FAM107B: variants seen among roughly 807,000 people sequenced by gnomAD.
The protein encoded by FAM107B is protein FAM107B.
Under a neutral mutation model 31.5 loss-of-function variants are expected in FAM107B, and 21 were observed. The observed-to-expected ratio is 0.67, with a 90% CI of 0.47 to 0.96. FAM107B has a LOEUF of 0.96. Ranked by LOEUF, FAM107B falls within the 40% of genes least tolerant of loss-of-function variation. The pLI is 0.00. For missense variants in FAM107B, 452 were observed against 377.1 expected (o/e 1.20, Z -1.64); for synonymous variants, 157 against 141.5 (o/e 1.11, Z -0.78).
chr10:14,613,514 CT>C (rs1852776525), intron 2 of FAM107B, among the ~76,000 whole-genome samples: 1 of 152,212 alleles, frequency 6.6e-6, no homozygotes, highest in East Asian at 1.9e-4. Flanking sequence ...AGTTTTTTCA[CT>C]GCACAAACTT....
At chr10:14,688,181 C>T (rs970640142) in intron 1 of FAM107B, among the ~76,000 whole-genome samples, 1 of 152,330 alleles carries the variant, frequency 6.6e-6, no homozygotes, top group Non-Finnish European at 1.5e-5. Context: ...ATTCCAAGTT[C>T]TTCAGCTTTT....
chr10:14,604,367 C>T, intron 2 of FAM107B: 1 of 505,540 alleles, frequency 2.0e-6, no homozygotes, highest in Non-Finnish European at 2.5e-6. Context: ...GGCGGCGGCC[C>T]GGCCCGCAAG....
rs141499937 is a variant in FAM107B, at chr10:14,716,865, T to G, written c.412-49174A>C. Among the ~76,000 whole-genome samples, 525 of 152,212 alleles carry G rather than the reference T, an allele frequency of 3.4e-3. 12 individuals are homozygous for G. The East Asian group carries it at 0.046, about 13-fold the overall frequency. ...AGAACTTTGGGAGGACGAGACAGGTTGATCACCTGAGGTCAGGAGTTTGAG... is the reference window on the plus strand; with the variant it reads ...AGAACTTTGGGAGGACGAGACAGGTGGATCACCTGAGGTCAGGAGTTTGAG... On this transcript the variant is annotated intron_variant, in intron 1 of 4. Coordinates refer to ENST00000181796, the MANE Select transcript of FAM107B (RefSeq NM_031453.4).
intron 1 of FAM107B, among the ~76,000 whole-genome samples, chr10:14,741,769 G>A (rs1387454328): frequency 2.6e-4 from 36 of 135,904 alleles, no homozygotes; most frequent in African/African-American, 9.9e-4. Flanking sequence ...CGCCCAGGCT[G>A]GAGTGCAGTG....
At chr10:14,650,228 G>C (rs1384334865) in intron 2 of FAM107B, among the ~76,000 whole-genome samples, 1 of 151,934 alleles carries the variant, frequency 6.6e-6, no homozygotes, top group African/African-American at 2.4e-5. Context: ...TTTTCATTAG[G>C]AAGGTTATAT....
rs954987433 is a variant in FAM107B, at chr10:14,750,066, A to G, written c.411+24187T>C. Among the ~76,000 whole-genome samples the G allele has an allele frequency of 2.6e-5, 4 of 152,248 alleles. No individual in the cohort carries two copies. In the South Asian group the frequency reaches 8.3e-4, roughly 32 times the overall value. Reference sequence around the variant, plus strand: ...GAACAGCTCCAGCGAGGAGGGCACCAGGAAAAAATCACCCTGGGCCAGAAG... The same window carrying G: ...GAACAGCTCCAGCGAGGAGGGCACCGGGAAAAAATCACCCTGGGCCAGAAG... On this transcript the variant is annotated intron_variant, in intron 1 of 4. Coordinates refer to ENST00000181796, the MANE Select transcript of FAM107B (RefSeq NM_031453.4).
Position 14,521,267 on chromosome 10 carries a change from T to C in FAM107B, c.844A>G (p.Asn282Asp). 1 of 1,614,156 alleles carries C rather than the reference T, an allele frequency of 6.2e-7. No homozygotes were observed. Among genetic ancestry groups the C allele is most frequent in the Non-Finnish European group, 8.5e-7 (1 of 1,180,008 alleles). ...TTCACCTTCACAAACTCGGGGGCAT[T>C]TTCTTGCTCTTCTTGCAATTTCTGC... ...EKQKLQEEQENAPEFVKVKGN... is the reference protein window; with the variant it reads ...EKQKLQEEQEDAPEFVKVKGN... The change falls in exon 5 of 5, where the codon AAT becomes GAT. Residue 282 changes from asparagine (N) to aspartate (D), a missense_variant. Transcript: ENST00000181796.
chr10:14,583,073 TGA>T, intron 2 of FAM107B, among the ~76,000 whole-genome samples: 1 of 125,020 alleles, frequency 8.0e-6, no homozygotes, highest in Admixed American at 9.3e-5. Flanking sequence ...GGCAAAACAG[TGA>T]GACTCTGTCT....
chr10:14,761,111 A>G (rs1833038202), intron 1 of FAM107B, among the ~76,000 whole-genome samples: 1 of 152,156 alleles, frequency 6.6e-6, no homozygotes, highest in South Asian at 2.1e-4. Context: ...ACATAATTTC[A>G]AATAAAATCT....
intron 2 of FAM107B, among the ~76,000 whole-genome samples, chr10:14,650,506 G>C (rs984130281): frequency 6.6e-6 from 1 of 152,090 alleles, no homozygotes; most frequent in Non-Finnish European, 1.5e-5. Context: ...GGCTGGTCTC[G>C]AACTCCCGAC....
chr10:14,763,537 G>A (rs756919526), intron 1 of FAM107B, among the ~76,000 whole-genome samples: 1 of 152,182 alleles, frequency 6.6e-6, no homozygotes, highest in Non-Finnish European at 1.5e-5. Flanking sequence ...CAACATCACT[G>A]CACCAAGTCA....
At chr10:14,556,059 C>T (rs1490402588) in intron 2 of FAM107B, 1 of 152,296 alleles carries the variant, frequency 6.6e-6, no homozygotes, top group Non-Finnish European at 1.5e-5. Context: ...AGCCCTAGGA[C>T]ACCTCTGATC....
At chr10:14,559,573 C>CTT (rs113934155) in intron 2 of FAM107B, among the ~76,000 whole-genome samples, 94 of 143,824 alleles carry the variant, frequency 6.5e-4, no homozygotes, top group Middle Eastern at 7.1e-3. Context: ...TTTCAGAGGA[C>CTT]TTTTTTTTTT....
At chr10:14,654,322 C>T (rs1034233015) in intron 2 of FAM107B, among the ~76,000 whole-genome samples, 1 of 152,172 alleles carries the variant, frequency 6.6e-6, no homozygotes, top group Non-Finnish European at 1.5e-5. Context: ...AATAACCTTT[C>T]GGGTCTTCAG....
At chr10:14,711,528 C>T (rs950584669) in intron 1 of FAM107B, among the ~76,000 whole-genome samples, 1 of 152,200 alleles carries the variant, frequency 6.6e-6, no homozygotes, top group African/African-American at 2.4e-5. Flanking sequence ...GCTATACCGC[C>T]TAGCCTAGCT....
At chr10:14,598,447 C>A (rs1442012861) in intron 2 of FAM107B, among the ~76,000 whole-genome samples, 1 of 152,282 alleles carries the variant, frequency 6.6e-6, no homozygotes, top group Non-Finnish European at 1.5e-5. Context: ...AGAAGCCAGG[C>A]ACAGAAGGAC....
intron 1 of FAM107B, among the ~76,000 whole-genome samples, chr10:14,772,613 G>T (rs1049589258): frequency 6.6e-6 from 1 of 152,014 alleles, no homozygotes. Context: ...CAACTGCCGC[G>T]TGTCCTGCCT....
chr10:14,698,015 C>T (rs1197688560), intron 1 of FAM107B, among the ~76,000 whole-genome samples: 1 of 152,044 alleles, frequency 6.6e-6, no homozygotes, highest in African/African-American at 2.4e-5. Context: ...GTCCCAGCTA[C>T]TCAGGAGGCT....
intron 1 of FAM107B, among the ~76,000 whole-genome samples, chr10:14,698,318 G>C (rs1006556089): frequency 6.6e-6 from 1 of 152,110 alleles, no homozygotes; most frequent in Admixed American, 6.5e-5. Flanking sequence ...GTGATCAAAG[G>C]CCCAACTGAA....
Sources: allele counts gnomAD v4.1 joint callset (sites outside exome capture counted in the v4.1 genomes callset), GRCh38; gene constraint gnomAD v4.1.1; transcripts MANE v1.5; gene names NCBI Gene and HGNC (gene_info 2026-07-23, HGNC 2026-07-21).